The following ECM2 variants were observed in gnomAD, a reference collection of about 807,000 sequenced individuals.
ECM2 encodes extracellular matrix protein 2, female organ and adipocyte specific.
ECM2 carries 57 observed loss-of-function variants against 67.5 expected under a neutral mutation model. That is an observed-to-expected ratio of 0.84 (90% CI 0.68 to 1.05). The LOEUF (loss-of-function observed/expected upper bound fraction) is 1.05. Among genes scored for constraint, ECM2 ranks in the 50% least tolerant of loss-of-function variants. ECM2 has a pLI of 0.00. For synonymous variants in ECM2, 258 were observed against 294.5 expected (o/e 0.88, Z 1.27); for missense variants, 741 against 822.8 (o/e 0.90, Z 1.22).
At chr9:92,494,546 T>A (rs142161573), downstream of ECM2, among the ~76,000 whole-genome samples, 13 of 152,316 alleles carry the variant, frequency 8.5e-5, no homozygotes, top group African/African-American at 2.4e-4. Flanking sequence ...ATCTTCATAT[T>A]ATTATTGTTG....
intron 9 of ECM2, 42 bp downstream of exon 9, chr9:92,500,685 C>A (rs1330805991): frequency 6.4e-7 from 1 of 1,560,014 alleles, no homozygotes; most frequent in Non-Finnish European, 8.7e-7. Context: ...TATATTTTGC[C>A]AACCAAAATT....
intron 9 of ECM2, among the ~76,000 whole-genome samples, chr9:92,499,322 T>A (rs55798902): frequency 0.012 from 1,752 of 152,336 alleles, 19 homozygotes; most frequent in South Asian, 0.019. Context: ...AGCTTTTTTC[T>A]TTCCTTTCAA....
chr9:92,495,638 T>C lies in ECM2; in HGVS notation c.*677A>G, dbSNP rs1293796895. Reference sequence around the variant, plus strand: ...AAATAATTTTAGAATTATAGAAAAGTTTCAAAAAGAGTATAGAATTTATGC... The same window carrying C: ...AAATAATTTTAGAATTATAGAAAAGCTTCAAAAAGAGTATAGAATTTATGC... On this transcript the variant is annotated 3_prime_UTR_variant, in exon 10 of 10. Transcript: ENST00000344604. 3.2e-6 allele frequency: 3 copies of C among 936,026 alleles called. No individual in the cohort carries two copies. The highest frequency in any genetic ancestry group is 6.2e-5 in the Admixed American group (1 of 16,198). The allele number at this position is 936,026 out of a possible 1,614,324, so 58.0% of individuals were successfully genotyped here. A position where few individuals can be genotyped will look rare whatever the true frequency, so the allele number is the denominator to read the frequency against.
chr9:92,515,124 A>AGGTTC lies in ECM2; in HGVS notation c.556_560dup (p.Thr188AsnfsTer20). On this transcript the variant is annotated frameshift_variant, in exon 4 of 10. Transcript: ENST00000344604. LOFTEE classifies it high-confidence loss of function. ...GCAGTTGCTTATGAAGTAAATTGGT[A>AGGTTC]GGTTCTCTTTGTTCTGAAGAATCAC... 6.2e-7 allele frequency: 1 copy of AGGTTC among 1,613,656 alleles called. No homozygotes were observed. Among genetic ancestry groups the AGGTTC allele is most frequent in the Non-Finnish European group, 8.5e-7 (1 of 1,179,938 alleles).
chr9:92,495,690 G>T lies in ECM2; in HGVS notation c.*625C>A. On this transcript the variant is annotated 3_prime_UTR_variant, in exon 10 of 10. Transcript: ENST00000344604. ...CACCCTTCTGCCAGCTTTCCTTAAT[G>T]TTAACAATGTACATAACCATAATAT... is the stretch of plus-strand genomic sequence containing the variant. 1.1e-6 allele frequency: 1 copy of T among 889,396 alleles called. No homozygotes were observed. Among genetic ancestry groups the T allele is most frequent in the Middle Eastern group, 5.9e-4 (1 of 1,704 alleles). The allele number at this position is 889,396 out of a possible 1,614,324, so 55.1% of individuals were successfully genotyped here.
intron 7 of ECM2, 42 bp downstream of exon 7, chr9:92,505,491 C>A: frequency 6.7e-7 from 1 of 1,492,678 alleles, no homozygotes; most frequent in South Asian, 1.3e-5. Flanking sequence ...TACCATATTT[C>A]AAATATAATA....
downstream of ECM2, chr9:92,494,111 CT>C: frequency 6.3e-7 from 1 of 1,597,900 alleles, no homozygotes; most frequent in Non-Finnish European, 8.5e-7. Flanking sequence ...CACATCTGAT[CT>C]GTTTGTCACT....
intron 8 of ECM2, 151 bp from the exon 9 acceptor site, chr9:92,501,204 A>G (rs1274538745): frequency 3.9e-6 from 3 of 762,080 alleles, no homozygotes; most frequent in Non-Finnish European, 6.2e-6. Flanking sequence ...TTCCAGGTAT[A>G]GCCAGCCCTA....
At position 92,532,027 on chromosome 9, in the gene ECM2, TTATTTTA is replaced by T. The variant is rs1325614665; in HGVS notation, c.-28+3899_-28+3905del. Reference sequence around the variant, plus strand: ...TTTTTTATTTAATGTTTTTTTTTTTTTATTTTATTTTTTTTTTGAGATGAGGTCTCAC... The same window carrying T: ...TTTTTTATTTAATGTTTTTTTTTTTTTTTTTTTTTTGAGATGAGGTCTCAC... On this transcript the variant is annotated intron_variant, in intron 1 of 9. Coordinates refer to ENST00000344604, the MANE Select transcript of ECM2 (RefSeq NM_001393.4). 6.2e-4 allele frequency among the ~76,000 whole-genome samples: 80 copies of T among 128,836 alleles called. 20 individuals are homozygous for T. The highest frequency in any genetic ancestry group is 1.7e-3 in the African/African-American group (48 of 28,700). 84.5% of individuals were successfully genotyped at this position (128,836 alleles called of 152,430 possible). A position where few individuals can be genotyped will look rare whatever the true frequency, so the allele number is the denominator to read the frequency against.
the ECM2 span, among the ~76,000 whole-genome samples, chr9:92,558,467 C>T: frequency 6.6e-6 from 1 of 152,166 alleles, no homozygotes; most frequent in Non-Finnish European, 1.5e-5. Context: ...CTGGGGTTGT[C>T]TGTACAGAGT....
chr9:92,517,980 A>G (rs1266134197), intron 2 of ECM2, 105 bp from the exon 3 acceptor site: 3 of 1,298,612 alleles, frequency 2.3e-6, no homozygotes, highest in Non-Finnish European at 2.1e-6. Context: ...CCACACAAGA[A>G]TAGAATTCTA....
intron 1 of ECM2, among the ~76,000 whole-genome samples, chr9:92,526,575 AAAG>A (rs1038237005): frequency 8.6e-5 from 13 of 151,976 alleles, no homozygotes; most frequent in African/African-American, 3.1e-4. Context: ...AAGAAATAAT[AAAG>A]ATCAGAATAG....
Position 92,496,243 on chromosome 9 carries a change from T to C in ECM2, c.*72A>G, listed in dbSNP as rs1214877652. The C allele has an allele frequency of 4.0e-6, 6 of 1,505,166 alleles. No individual in the cohort carries two copies. In the Admixed American group the frequency reaches 9.3e-5, roughly 23 times the overall value. The allele number at this position is 1,505,166 out of a possible 1,614,324, so 93.2% of individuals were successfully genotyped here. ...GAGTATAACAGGAGGATTATGTCTCTCTTATTAATGACAAATGCAGCTACT... is the reference window on the plus strand; with the variant it reads ...GAGTATAACAGGAGGATTATGTCTCCCTTATTAATGACAAATGCAGCTACT... On this transcript the variant is annotated 3_prime_UTR_variant, in exon 10 of 10. Coordinates refer to ENST00000344604, the MANE Select transcript of ECM2 (RefSeq NM_001393.4).
intron 1 of ECM2, among the ~76,000 whole-genome samples, chr9:92,525,863 C>T (rs896524216): frequency 3.8e-5 from 5 of 131,238 alleles, no homozygotes; most frequent in South Asian, 2.4e-4. Context: ...TATGCACCAC[C>T]ATGCCCAGAG....
chr9:92,497,892 A>G (rs1588182880), intron 9 of ECM2, among the ~76,000 whole-genome samples: 1 of 135,438 alleles, frequency 7.4e-6, no homozygotes, highest in African/African-American at 3.0e-5. Flanking sequence ...AAAAAAAAAA[A>G]AGAAGTCTGG....
chr9:92,558,033 C>T, the ECM2 span, among the ~76,000 whole-genome samples: 13 of 152,050 alleles, frequency 8.5e-5, no homozygotes, highest in African/African-American at 2.7e-4. Context: ...AATATTTCTC[C>T]CTTCACTTCT....
intron 7 of ECM2, 146 bp from the exon 8 acceptor site, chr9:92,502,798 A>G: frequency 1.6e-6 from 1 of 606,954 alleles, no homozygotes. Flanking sequence ...CATATTTTTA[A>G]GTTGTCTTTT....
intron 9 of ECM2, among the ~76,000 whole-genome samples, chr9:92,496,967 A>G (rs1334145783): frequency 1.3e-5 from 2 of 151,846 alleles, no homozygotes; most frequent in East Asian, 3.9e-4. Context: ...CCAGAAGCTC[A>G]TTAACATATT....
At chr9:92,498,552 T>G (rs1175545148) in intron 9 of ECM2, among the ~76,000 whole-genome samples, 1 of 151,886 alleles carries the variant, frequency 6.6e-6, no homozygotes, top group Non-Finnish European at 1.5e-5. Flanking sequence ...TTTAACACAG[T>G]CAAAAATAAT....
Sources: gnomAD v4.1 joint callset for allele counts (sites outside exome capture counted in the v4.1 genomes callset) on GRCh38, gnomAD v4.1.1 for gene constraint, MANE v1.5 for transcripts, NCBI Gene and HGNC (gene_info 2026-07-23, HGNC 2026-07-21) for gene names.